VPS13B: variants seen among roughly 807,000 people sequenced by gnomAD.
VPS13B encodes vacuolar protein sorting 13 homolog B, also known as intermembrane lipid transfer protein VPS13B.
A neutral mutation model predicts 426.4 loss-of-function variants in VPS13B; 285 were observed. The ratio of observed to expected loss-of-function variants is 0.67; its 90% CI spans 0.61 to 0.74. The LOEUF (loss-of-function observed/expected upper bound fraction) is 0.74. Among genes scored for constraint, VPS13B ranks in the 30% least tolerant of loss-of-function variants. The probability of loss-of-function intolerance (pLI) is 0.00; values close to 1 mark genes in which losing one functional copy is unlikely to be tolerated. For missense variants in VPS13B, 4,537 were observed against 4,782.6 expected, an observed-to-expected ratio of 0.95 and a Z score of 1.51; for synonymous variants, 1,676 against 1,676.4, an observed-to-expected ratio of 1.00 and a Z score of 0.01.
At chr8:99,402,120 G>A (rs951771935) in intron 21 of VPS13B, among the ~76,000 whole-genome samples, 5 of 152,180 alleles carry the variant, frequency 3.3e-5, no homozygotes, top group African/African-American at 7.2e-5. Context: ...CTGTGGTGCA[G>A]ATTCACTGTG....
intron 34 of VPS13B, among the ~76,000 whole-genome samples, chr8:99,657,598 G>T (rs149730409): frequency 6.6e-6 from 1 of 152,092 alleles, no homozygotes; most frequent in Non-Finnish European, 1.5e-5. Flanking sequence ...TTTAGTATAT[G>T]AGAGTCACAC....
chr8:99,644,534 C>G (rs1829501171), intron 34 of VPS13B, among the ~76,000 whole-genome samples: 1 of 151,912 alleles, frequency 6.6e-6, no homozygotes, highest in East Asian at 1.9e-4. Context: ...GTACATGAAG[C>G]TAGAGTGGTG....
intron 19 of VPS13B, among the ~76,000 whole-genome samples, chr8:99,336,619 A>C (rs1401313076): frequency 6.6e-6 from 1 of 152,226 alleles, no homozygotes; most frequent in Non-Finnish European, 1.5e-5. Flanking sequence ...CTCATCTGAC[A>C]AAGGGCTGAT....
At chr8:99,324,788 A>G (rs911430983) in intron 19 of VPS13B, among the ~76,000 whole-genome samples, 1 of 152,168 alleles carries the variant, frequency 6.6e-6, no homozygotes, top group African/African-American at 2.4e-5. Context: ...AATTATTTAT[A>G]TATTGAGGGG....
chr8:99,397,196 A>C (rs934606427), intron 21 of VPS13B, among the ~76,000 whole-genome samples: 2 of 152,112 alleles, frequency 1.3e-5, no homozygotes, highest in Non-Finnish European at 2.9e-5. Context: ...CCCAGGCTGG[A>C]GTGCAGTGAC....
chr8:99,085,649 G>A (rs563820921), intron 3 of VPS13B, among the ~76,000 whole-genome samples: 28 of 152,236 alleles, frequency 1.8e-4, no homozygotes, highest in African/African-American at 5.8e-4. Context: ...AGGCCTGGTG[G>A]TGACAAAATC....
intron 33 of VPS13B, among the ~76,000 whole-genome samples, chr8:99,605,954 G>A (rs189965689): frequency 6.6e-6 from 1 of 152,300 alleles, no homozygotes; most frequent in Non-Finnish European, 1.5e-5. Flanking sequence ...AGAGTGCAGT[G>A]GTGCAATCTT....
At chr8:99,142,009 C>T (rs575461551) in intron 12 of VPS13B, among the ~76,000 whole-genome samples, 5 of 151,918 alleles carry the variant, frequency 3.3e-5, no homozygotes, top group Non-Finnish European at 7.4e-5. Flanking sequence ...GCCGAGATCA[C>T]GCCACTGCAC....
At chr8:99,109,260 T>C (rs1215129498) in intron 5 of VPS13B, among the ~76,000 whole-genome samples, 2 of 152,172 alleles carry the variant, frequency 1.3e-5, no homozygotes, top group East Asian at 1.9e-4. Context: ...TTTTGAAATA[T>C]AGTTGCTGTT....
chr8:99,113,843 A>G (rs1043827920), intron 6 of VPS13B, among the ~76,000 whole-genome samples: 1 of 152,178 alleles, frequency 6.6e-6, no homozygotes, highest in Non-Finnish European at 1.5e-5. Context: ...GATTACAGGC[A>G]TGAGTCACTG....
intron 30 of VPS13B, among the ~76,000 whole-genome samples, chr8:99,543,414 T>G (rs1334309005): frequency 6.6e-6 from 1 of 151,772 alleles, no homozygotes; most frequent in Non-Finnish European, 1.5e-5. Flanking sequence ...AAGGACTTCA[T>G]GTCTAAAACA....
chr8:99,387,900 G>A (rs1034508197), intron 20 of VPS13B, among the ~76,000 whole-genome samples: 23 of 152,124 alleles, frequency 1.5e-4, no homozygotes, highest in African/African-American at 5.3e-4. Flanking sequence ...TCTTGATGTA[G>A]GTATGCTCTT....
At chr8:99,392,553 T>C (rs949263871) in intron 21 of VPS13B, among the ~76,000 whole-genome samples, 2 of 152,018 alleles carry the variant, frequency 1.3e-5, no homozygotes, top group African/African-American at 4.8e-5. Context: ...ATCAAGTCTG[T>C]TATGGGCAAG....
At chr8:99,662,454 T>C (rs1412522008) in intron 35 of VPS13B, among the ~76,000 whole-genome samples, 2 of 151,976 alleles carry the variant, frequency 1.3e-5, no homozygotes, top group African/African-American at 4.8e-5. Flanking sequence ...ATTTATTTAT[T>C]TATTTATTTT....
chr8:99,223,345 G>A (rs535034002), intron 17 of VPS13B, among the ~76,000 whole-genome samples: 97 of 151,996 alleles, frequency 6.4e-4, no homozygotes, highest in Non-Finnish European at 1.1e-3. Context: ...AATATTAATA[G>A]TATTGTTAAT....
In VPS13B at chr8:99,316,157, G is replaced by T. The variant is rs375996645; in HGVS notation, c.2824+40903G>T. Among the ~76,000 whole-genome samples, 8 of 152,262 alleles carry T rather than the reference G, an allele frequency of 5.3e-5. No homozygotes were observed. The East Asian group carries it at 1.5e-3, about 29-fold the overall frequency. ...CTTGCAACTGGAGAATGCCTGCTTTGGCCCCAGGTGTTGGATGTGAGTGGG... is the reference window on the plus strand; with the variant it reads ...CTTGCAACTGGAGAATGCCTGCTTTTGCCCCAGGTGTTGGATGTGAGTGGG... On this transcript the variant is annotated intron_variant, in intron 19 of 61. Transcript: ENST00000357162.
At chr8:99,173,070 A>C (rs1350833296) in intron 16 of VPS13B, among the ~76,000 whole-genome samples, 1 of 152,182 alleles carries the variant, frequency 6.6e-6, no homozygotes, top group East Asian at 1.9e-4. Flanking sequence ...GTGAAAACAC[A>C]TATTTCTTTT....
intron 58 of VPS13B, 195 bp from the exon 59 acceptor site, chr8:99,868,094 G>C: frequency 3.1e-6 from 2 of 642,112 alleles, no homozygotes; most frequent in South Asian, 3.7e-5. Context: ...TCTGAACATT[G>C]TATTTTGATG....
intron 35 of VPS13B, among the ~76,000 whole-genome samples, chr8:99,670,995 A>G (rs1168411523): frequency 6.6e-6 from 1 of 152,162 alleles, no homozygotes; most frequent in Admixed American, 6.6e-5. Flanking sequence ...CTTTGGATCT[A>G]TACCCATTAG....
Sources: gnomAD v4.1 joint callset for allele counts (sites outside exome capture counted in the v4.1 genomes callset) on GRCh38, gnomAD v4.1.1 for gene constraint, MANE v1.5 for transcripts, NCBI Gene and HGNC (gene_info 2026-07-23, HGNC 2026-07-21) for gene names.